The following NCAPH variants were observed in gnomAD, a reference collection of about 807,000 sequenced individuals.
NCAPH encodes condensin complex subunit 2.
NCAPH carries 38 observed loss-of-function variants against 85.5 expected under a neutral mutation model. The observed-to-expected ratio is 0.44, with a 90% CI of 0.34 to 0.58. NCAPH has a LOEUF of 0.58. Among genes scored for constraint, NCAPH ranks in the 20% least tolerant of loss-of-function variants. NCAPH has a pLI of 0.01. For synonymous variants in NCAPH, 301 were observed against 335.1 expected, an observed-to-expected ratio of 0.90 and a Z score of 1.11; for missense variants, 789 against 916.6, an observed-to-expected ratio of 0.86 and a Z score of 1.80.
At chr2:96,352,501 A>G (rs138890138) in intron 7 of NCAPH, among the ~76,000 whole-genome samples, 1 of 152,298 alleles carries the variant, frequency 6.6e-6, no homozygotes, top group African/African-American at 2.4e-5. Context: ...TCAGTCCCCT[A>G]TACTGGCTTG....
chr2:96,349,221 A>T (rs1020422594), intron 6 of NCAPH, among the ~76,000 whole-genome samples: 9 of 152,182 alleles, frequency 5.9e-5, no homozygotes, highest in Non-Finnish European at 1.2e-4. Context: ...TGAAATGAAT[A>T]CTGTCATGAA....
chr2:96,361,759 TATATATATACATATATATATATAC>T (rs1412225118), intron 12 of NCAPH, among the ~76,000 whole-genome samples: 2 of 132,340 alleles, frequency 1.5e-5, no homozygotes, highest in Non-Finnish European at 3.2e-5. Context: ...GATATATATA[TATATATATACATATATATATATAC>T]ACATATATAT....
chr2:96,361,040 CTTTTTTTTTTTTTT>C (rs760283642), intron 12 of NCAPH, among the ~76,000 whole-genome samples: 1 of 86,750 alleles, frequency 1.2e-5, no homozygotes, highest in African/African-American at 4.3e-5. Context: ...TTGCTTTCTC[CTTTTTTTTTTTTTT>C]TTTTTTTTTT....
chr2:96,368,794 C>T (rs183697124), intron 15 of NCAPH, among the ~76,000 whole-genome samples, 178 bp from the exon 16 acceptor site: 4 of 152,314 alleles, frequency 2.6e-5, no homozygotes, highest in Non-Finnish European at 4.4e-5. Context: ...ACCACAATGT[C>T]ATTAGAGCAG....
chr2:96,369,793 G>A (rs956459701), intron 17 of NCAPH, among the ~76,000 whole-genome samples: 7 of 152,202 alleles, frequency 4.6e-5, no homozygotes, highest in Non-Finnish European at 8.8e-5. Flanking sequence ...TTTACTTCAC[G>A]GGGTGTCAAA....
chr2:96,342,190 G>A, intron 3 of NCAPH, 50 bp downstream of exon 3: 1 of 1,432,364 alleles, frequency 7.0e-7, no homozygotes, highest in Non-Finnish European at 9.8e-7. Flanking sequence ...TGATCACAGG[G>A]GAAATCCAGC....
chr2:96,351,728 C>T, intron 6 of NCAPH, 103 bp from the exon 7 acceptor site: 8 of 871,594 alleles, frequency 9.2e-6, no homozygotes, highest in East Asian at 2.9e-5. Context: ...ATATTTCAGT[C>T]CAGTGTATAT....
rs760283642 is a variant in NCAPH at position 96,361,040 on chromosome 2, CT to C, written c.1587+356del. 6.7e-3 allele frequency among the ~76,000 whole-genome samples: 584 copies of C among 86,760 alleles called. 10 individuals carry two copies. Among genetic ancestry groups the C allele is most frequent in the Admixed American group, 0.051 (337 of 6,560 alleles). The allele number at this position is 86,760 out of a possible 152,430, so 56.9% of individuals were successfully genotyped here. A position where few individuals can be genotyped will look rare whatever the true frequency, so the allele number is the denominator to read the frequency against. On this transcript the variant is annotated intron_variant, in intron 12 of 17. Coordinates refer to ENST00000240423, the MANE Select transcript of NCAPH (RefSeq NM_015341.5). ...TATTTCTTGATTCCTTTGCTTTCTCCTTTTTTTTTTTTTTTTTTTTTTTTTT... is the reference window on the plus strand; with the variant it reads ...TATTTCTTGATTCCTTTGCTTTCTCCTTTTTTTTTTTTTTTTTTTTTTTTT...
At chr2:96,343,641 G>A (rs2064325333) in intron 5 of NCAPH, among the ~76,000 whole-genome samples, 1 of 151,956 alleles carries the variant, frequency 6.6e-6, no homozygotes, top group Non-Finnish European at 1.5e-5. Flanking sequence ...ATAAGTTGCA[G>A]ATTAAATATG....
Position 96,353,303 on chromosome 2 carries a change from C to T in NCAPH, c.911-3C>T, listed in dbSNP as rs754459637. 2 of 1,613,918 alleles carry T rather than the reference C, an allele frequency of 1.2e-6. No homozygotes were observed. The highest frequency in any genetic ancestry group is 2.2e-5 in the East Asian group (1 of 44,884). The stretch of plus-strand genomic sequence containing the variant: ...CTCTTTGTGATCTTGCTATCCTCTC[C>T]AGCGCCCTTGCAGCAGTGTGCAGAA... On this transcript the variant is annotated splice_polypyrimidine_tract_variant and splice_region_variant and intron_variant, in intron 7 of 17. Coordinates refer to ENST00000240423, the MANE Select transcript of NCAPH (RefSeq NM_015341.5).
chr2:96,356,617 C>G (rs1163655712), intron 9 of NCAPH, among the ~76,000 whole-genome samples: 1 of 152,104 alleles, frequency 6.6e-6, no homozygotes, highest in Non-Finnish European at 1.5e-5. Flanking sequence ...GGTTGCCACC[C>G]AGCACCTTTG....
intron 9 of NCAPH, 23 bp from the exon 10 acceptor site, chr2:96,359,022 A>G (rs1010808409): frequency 1.2e-6 from 2 of 1,612,172 alleles, no homozygotes; most frequent in African/African-American, 1.3e-5. Context: ...TGTATTGTAC[A>G]TGTACAAATA....
chr2:96,361,066 T>TTG (rs1219630924), intron 12 of NCAPH, among the ~76,000 whole-genome samples: 4 of 144,928 alleles, frequency 2.8e-5, no homozygotes, highest in African/African-American at 7.7e-5. Context: ...TTTTTTTTTT[T>TTG]GACAGAGTTT....
chr2:96,352,817 A>G (rs556884054), intron 7 of NCAPH, among the ~76,000 whole-genome samples: 115 of 152,124 alleles, frequency 7.6e-4, no homozygotes, highest in Non-Finnish European at 8.1e-4. Flanking sequence ...TTTGTTTAGT[A>G]TAGTTTTTGT....
chr2:96,373,600 G>A lies in NCAPH; in HGVS notation c.*249G>A. 1 of 396,986 alleles carries A rather than the reference G, an allele frequency of 2.5e-6. No homozygotes were observed. 24.6% of individuals were successfully genotyped at this position (396,986 alleles called of 1,614,324 possible). On this transcript the variant is annotated 3_prime_UTR_variant, in exon 18 of 18. Transcript: ENST00000240423. ...CATCTAGGAGAGGGGAGGGCAGAGG[G>A]GGTGAGGGTACTATTCTGGATTGAG...
At chr2:96,359,937 G>T (rs895008809) in intron 10 of NCAPH, among the ~76,000 whole-genome samples, 11 of 152,322 alleles carry the variant, frequency 7.2e-5, no homozygotes, top group African/African-American at 2.6e-4. Context: ...ATATGTTTCT[G>T]ATGTGTTTTC....
intron 13 of NCAPH, among the ~76,000 whole-genome samples, chr2:96,365,346 A>G (rs959811750): frequency 1.3e-5 from 2 of 152,186 alleles, no homozygotes; most frequent in Admixed American, 6.6e-5. Context: ...TTTAACTTAC[A>G]TACAAATCAC....
chr2:96,368,132 A>T (rs2064724534), intron 15 of NCAPH, among the ~76,000 whole-genome samples: 1 of 152,212 alleles, frequency 6.6e-6, no homozygotes, highest in Admixed American at 6.5e-5. Flanking sequence ...CTGCTCAGAT[A>T]ATATTCTGAG....
At chr2:96,372,743 C>A (rs1234438060) in intron 17 of NCAPH, among the ~76,000 whole-genome samples, 5 of 151,986 alleles carry the variant, frequency 3.3e-5, no homozygotes, top group Non-Finnish European at 7.4e-5. Context: ...CTTAATTTTT[C>A]TATTTTATTA....
Sources: allele counts gnomAD v4.1 joint callset (sites outside exome capture counted in the v4.1 genomes callset), GRCh38; gene constraint gnomAD v4.1.1; transcripts MANE v1.5; gene names NCBI Gene and HGNC (gene_info 2026-07-23, HGNC 2026-07-21).